Variants in SSPN observed in about 807,000 individuals in gnomAD.
SSPN encodes the protein sarcospan, also known as K-ras oncogene-associated protein.
In SSPN, 15 loss-of-function variants were observed where a neutral mutation model predicts 19.1. That is an observed-to-expected ratio of 0.78 (90% CI 0.52 to 1.21). SSPN has a LOEUF of 1.21. SSPN is among the 50% of genes most tolerant of loss of function. The pLI is 0.00. For synonymous variants in SSPN, 147 were observed against 140.3 expected, an observed-to-expected ratio of 1.05 and a Z score of -0.34; for missense variants, 291 against 314.0, an observed-to-expected ratio of 0.93 and a Z score of 0.55.
At chr12:26,150,108 T>C (rs1274388335) in intron 1 of SSPN, among the ~76,000 whole-genome samples, 1 of 152,228 alleles carries the variant, frequency 6.6e-6, no homozygotes, top group Non-Finnish European at 1.5e-5. Context: ...CCATGGTTTA[T>C]AGCTTCTTGT....
In SSPN at chr12:26,195,785, A is replaced by G. The variant is rs2137456611; in HGVS notation, c.113A>G (p.Glu38Gly). The stretch of plus-strand genomic sequence containing the variant: ...AAGAAGGGCACGGGGGCCCCCAAGG[A>G]GTGCGGGGAGGAGGAGCCCCGGACC... ...EPKKGTGAPK[E>G]CGEEEPRTCC... The change falls in exon 1 of 3, where the codon GAG becomes GGG. Residue 38 changes from glutamate to glycine, a missense_variant. Glu to Gly is a moderately conservative substitution (Grantham distance 98). This residue lies in a region of SSPN where 139 missense variants were observed against 119.6 expected (regional missense o/e 1.16). Coordinates refer to ENST00000242729, the MANE Select transcript of SSPN (RefSeq NM_005086.5). 2.6e-6 allele frequency: 4 copies of G among 1,520,682 alleles called. No individual in the cohort carries two copies. Among genetic ancestry groups the G allele is most frequent in the Non-Finnish European group, 3.5e-6 (4 of 1,137,198 alleles). The allele number at this position is 1,520,682 out of a possible 1,614,324, so 94.2% of individuals were successfully genotyped here.
At chr12:26,134,935 T>A (rs2137399774) in intron 1 of SSPN, 2 of 152,392 alleles carry the variant, frequency 1.3e-5, no homozygotes, top group Admixed American at 1.3e-4. Context: ...TGTCAGGGGG[T>A]AGGGCCTGTG....
At chr12:26,159,337 A>G (rs1308344618) in intron 1 of SSPN, among the ~76,000 whole-genome samples, 1 of 152,258 alleles carries the variant, frequency 6.6e-6, no homozygotes, top group Non-Finnish European at 1.5e-5. Context: ...TACCCTAGAA[A>G]CAATGGTGGG....
At chr12:26,147,947 C>T (rs1565672105) in intron 1 of SSPN, among the ~76,000 whole-genome samples, 1 of 152,130 alleles carries the variant, frequency 6.6e-6, no homozygotes, top group Non-Finnish European at 1.5e-5. Flanking sequence ...GTTAAGACAA[C>T]TTTTTGGAAT....
At chr12:26,135,262 A>C (rs1188185568) in intron 1 of SSPN, among the ~76,000 whole-genome samples, 2 of 152,102 alleles carry the variant, frequency 1.3e-5, no homozygotes, top group Admixed American at 6.5e-5. Flanking sequence ...TGAGTGGATC[A>C]CAGGAGGGGG....
At chr12:26,186,528 G>T (rs188429193) in intron 1 of SSPN, among the ~76,000 whole-genome samples, 44 of 152,262 alleles carry the variant, frequency 2.9e-4, no homozygotes, top group African/African-American at 1.0e-3. Flanking sequence ...TCCCACACAA[G>T]TTGACAAAAA....
intron 1 of SSPN, among the ~76,000 whole-genome samples, chr12:26,171,624 ATTT>A (rs3082328): frequency 1.4e-4 from 21 of 149,368 alleles, no homozygotes; most frequent in African/African-American, 2.4e-4. Context: ...TGTTTTCCCT[ATTT>A]TTTTTTTTGT....
At chr12:26,193,905 C>T (rs1011873927), upstream of SSPN, among the ~76,000 whole-genome samples, 1 of 152,212 alleles carries the variant, frequency 6.6e-6, no homozygotes, top group African/African-American at 2.4e-5. Flanking sequence ...GAAGTACATA[C>T]TTTTTGTCTT....
chr12:26,219,467 G>C (rs1945095714), intron 1 of SSPN, among the ~76,000 whole-genome samples: 1 of 86,380 alleles, frequency 1.2e-5, no homozygotes, highest in Non-Finnish European at 2.3e-5. Context: ...CAAGACTCAG[G>C]ACTCGCACAT....
chr12:26,131,357 G>A (rs1452873116), intron 1 of SSPN, among the ~76,000 whole-genome samples: 1 of 152,218 alleles, frequency 6.6e-6, no homozygotes, highest in African/African-American at 2.4e-5. Flanking sequence ...TCAGCTGCAT[G>A]TTTTCTTGGA....
chr12:26,133,475 G>T (rs1944407821), intron 1 of SSPN, among the ~76,000 whole-genome samples: 1 of 152,150 alleles, frequency 6.6e-6, no homozygotes, highest in South Asian at 2.1e-4. Context: ...TTAGGGTCTA[G>T]TAAGGAAGAT....
intron 1 of SSPN, among the ~76,000 whole-genome samples, chr12:26,175,303 C>T (rs1231057496): frequency 1.3e-5 from 2 of 152,184 alleles, no homozygotes; most frequent in Non-Finnish European, 2.9e-5. Flanking sequence ...ACCAATGATA[C>T]TGAACATTTT....
intron 1 of SSPN, among the ~76,000 whole-genome samples, chr12:26,140,467 G>C (rs1944453761): frequency 6.6e-6 from 1 of 152,160 alleles, no homozygotes; most frequent in South Asian, 2.1e-4. Context: ...ATCTCTCATT[G>C]GGACTATTGA....
At position 26,149,090 on chromosome 12, in the gene SSPN, C is replaced by T. The variant is rs534315261; in HGVS notation, c.-31+26938C>T. 7.2e-5 allele frequency among the ~76,000 whole-genome samples: 11 copies of T among 152,298 alleles called. No individual in the cohort carries two copies. The South Asian group carries it at 8.3e-4, about 11-fold the overall frequency. ...AACATTTATCTTATGTGGAGAAGCA[C>T]TTACTGTAAATTGGTGAATACAGAG... On this transcript the variant is annotated intron_variant, in intron 1 of 2. Transcript: ENST00000538142.
At chr12:26,127,142 T>C (rs1944371606) in intron 1 of SSPN, among the ~76,000 whole-genome samples, 1 of 152,228 alleles carries the variant, frequency 6.6e-6, no homozygotes, top group African/African-American at 2.4e-5. Context: ...GGGATGTAAA[T>C]ATTTGCTCCA....
chr12:26,230,781 A>G lies in SSPN; in HGVS notation c.437A>G (p.His146Arg), dbSNP rs759819039. 8.1e-6 allele frequency: 13 copies of G among 1,614,026 alleles called. No individual in the cohort carries two copies. The highest frequency in any genetic ancestry group is 5.0e-5 in the Admixed American group (3 of 60,004). ...CVLAVAFAAH[H>R]YSQLTQFTCE... ...CTGGCCGTGGCCTTTGCCGCCCACC[A>G]CTATTCGCAGCTCACACAGTTTACC... The change falls in exon 3 of 3, where the codon CAC (histidine) becomes CGC (arginine). Residue 146 changes from histidine (H) to arginine (R), a missense_variant. Physicochemically the swap from His to Arg is conservative, Grantham distance 29. Around this residue, in one of 3 missense-constraint regions of SSPN, gnomAD observed 141 missense variants for 166.7 expected, o/e 0.85. Coordinates refer to ENST00000242729, the MANE Select transcript of SSPN (RefSeq NM_005086.5).
At chr12:26,196,008 C>A in intron 1 of SSPN, 57 bp downstream of exon 1, 1 of 1,369,820 alleles carries the variant, frequency 7.3e-7, no homozygotes, top group Non-Finnish European at 9.6e-7. Flanking sequence ...TGCGAAGTCG[C>A]ATGGTCGAGT....
chr12:26,194,858 G>A (rs956923475), upstream of SSPN, among the ~76,000 whole-genome samples: 1 of 152,186 alleles, frequency 6.6e-6, no homozygotes, highest in Admixed American at 6.5e-5. Flanking sequence ...AGATGTGGTG[G>A]TGATTGCCTG....
rs1260598408 is a variant in SSPN, at chr12:26,232,868, A to G, written c.*1792A>G. 1.3e-5 allele frequency: 3 copies of G among 227,740 alleles called. No homozygotes were observed. The highest frequency in any genetic ancestry group is 2.2e-5 in the Non-Finnish European group (3 of 137,756). The allele number at this position is 227,740 out of a possible 1,614,324, so 14.1% of individuals were successfully genotyped here. A position where few individuals can be genotyped will look rare whatever the true frequency, so the allele number is the denominator to read the frequency against. ...GTCTCTGGAGCAGAATTTATCACAC[A>G]CAAAAGTTACACCAACAGAATACCA... On this transcript the variant is annotated 3_prime_UTR_variant, in exon 3 of 3. Transcript: ENST00000242729.
Sources: gnomAD v4.1 joint callset for allele counts (sites outside exome capture counted in the v4.1 genomes callset) on GRCh38, gnomAD v4.1.1 for gene constraint, gnomAD v4.1.1 regional missense constraint, MANE v1.5 for transcripts, NCBI Gene and HGNC (gene_info 2026-07-23, HGNC 2026-07-21) for gene names.